The following KNTC1 variants were observed in gnomAD, a reference collection of about 807,000 sequenced individuals.
The protein encoded by KNTC1 is kinetochore-associated protein 1.
KNTC1 carries 253 observed loss-of-function variants against 314.4 expected under a neutral mutation model. That is an observed-to-expected ratio of 0.80 (90% CI 0.73 to 0.89). KNTC1 has a LOEUF of 0.89. Ranked by LOEUF, KNTC1 falls within the 40% of genes least tolerant of loss-of-function variation. KNTC1 has a pLI of 0.00. For synonymous variants in KNTC1, 901 were observed against 901.4 expected, an observed-to-expected ratio of 1.00 and a Z score of 0.01; for missense variants, 2,475 against 2,572.9, an observed-to-expected ratio of 0.96 and a Z score of 0.82.
intron 24 of KNTC1, 87 bp downstream of exon 24, chr12:122,571,213 ATATCTAC>A (rs1380959821): frequency 1.5e-5 from 14 of 915,428 alleles, no homozygotes; most frequent in Non-Finnish European, 2.1e-5. Context: ...ATCTGGAAAT[ATATCTAC>A]TTCTTAAATT....
rs576997834 is a variant in KNTC1, at chr12:122,585,595, G to A, written c.3535-41G>A. ...ACCAGAAGAAACAATGTGTTGTGCA[G>A]CGTACTGAGTTCTCTCTTTTTTGTA... On this transcript the variant is annotated intron_variant, in intron 36 of 63. Transcript: ENST00000333479. 3.9e-4 allele frequency: 622 copies of A among 1,607,074 alleles called. 8 individuals are homozygous for A. In the South Asian group the frequency reaches 6.5e-3, roughly 17 times the overall value.
At position 122,574,304 on chromosome 12, in the gene KNTC1, C is replaced by T; in HGVS notation, c.2306C>T (p.Ser769Leu). ...TAGGATTTACTGAATAGATGCAGCT[C>T]AAAGTCCACATCACTCTTTGAAACA... ...YIEDLLNRCS[S>L]KSTSLFETAW... The change falls in exon 27 of 64, where the codon TCA becomes TTA. Residue 769 changes from serine to leucine, a missense_variant. Physicochemically the swap from Ser to Leu is moderately radical, Grantham distance 145 (BLOSUM62 -2). Coordinates refer to ENST00000333479, the MANE Select transcript of KNTC1 (RefSeq NM_014708.6). 6.2e-7 allele frequency: 1 copy of T among 1,607,798 alleles called. No homozygotes were observed. The highest frequency in any genetic ancestry group is 1.3e-5 in the African/African-American group (1 of 74,740).
intron 37 of KNTC1, among the ~76,000 whole-genome samples, chr12:122,586,373 C>T (rs1024167484): frequency 6.6e-6 from 1 of 152,168 alleles, no homozygotes; most frequent in Non-Finnish European, 1.5e-5. Flanking sequence ...TGAGCCACCG[C>T]GCCCGGCCGA....
intron 44 of KNTC1, among the ~76,000 whole-genome samples, chr12:122,598,215 C>T (rs928908830): frequency 6.6e-6 from 1 of 152,016 alleles, no homozygotes; most frequent in African/African-American, 2.4e-5. Flanking sequence ...CAAGCAATTT[C>T]CCTATAACTC....
chr12:122,569,846 C>T (rs750090545), intron 22 of KNTC1, 22 bp downstream of exon 22: 24 of 1,592,514 alleles, frequency 1.5e-5, no homozygotes, highest in Non-Finnish European at 2.0e-5. Context: ...TCAGTATTTC[C>T]ACTCTTGATG....
intron 60 of KNTC1, 122 bp downstream of exon 60, chr12:122,620,730 T>C: frequency 1.0e-6 from 1 of 993,530 alleles, no homozygotes; most frequent in Non-Finnish European, 1.4e-6. Context: ...ATCAGATATG[T>C]GTGAAGCTTG....
At chr12:122,588,581 C>A in intron 39 of KNTC1, 131 bp from the exon 40 acceptor site, 1 of 661,314 alleles carries the variant, frequency 1.5e-6, no homozygotes, top group East Asian at 3.2e-5. Flanking sequence ...CCCTTTCTAG[C>A]ACTATAGGTT....
chr12:122,583,000 C>A lies in KNTC1; in HGVS notation c.3263+15C>A. 6.3e-7 allele frequency: 1 copy of A among 1,590,816 alleles called. No homozygotes were observed. Among genetic ancestry groups the A allele is most frequent in the South Asian group, 1.1e-5 (1 of 88,740 alleles). On this transcript the variant is annotated intron_variant, in intron 34 of 63. Transcript: ENST00000333479. ...AAAAAATGCAGGTGACATTCCAGATCCCTGAATTGCATAGCTTCTCTGAAA... is the reference window on the plus strand; with the variant it reads ...AAAAAATGCAGGTGACATTCCAGATACCTGAATTGCATAGCTTCTCTGAAA...
chr12:122,534,939 T>C (rs538006852), intron 3 of KNTC1, among the ~76,000 whole-genome samples, 155 bp downstream of exon 3: 1 of 152,348 alleles, frequency 6.6e-6, no homozygotes, highest in East Asian at 1.9e-4. Flanking sequence ...AGTGCCTTAT[T>C]TGCGTTGGGC....
At chr12:122,589,816 C>G (rs1164656361) in intron 40 of KNTC1, among the ~76,000 whole-genome samples, 1 of 139,800 alleles carries the variant, frequency 7.2e-6, no homozygotes, top group East Asian at 2.1e-4. Context: ...CGGAGTCTCG[C>G]ACTCTCATCC....
chr12:122,531,629 G>A (rs996475507), intron 2 of KNTC1, among the ~76,000 whole-genome samples: 1 of 152,112 alleles, frequency 6.6e-6, no homozygotes, highest in African/African-American at 2.4e-5. Context: ...TTTATTAGAG[G>A]CAAAAATTTC....
At chr12:122,528,449 C>T (rs1960970565) in intron 1 of KNTC1, among the ~76,000 whole-genome samples, 1 of 152,128 alleles carries the variant, frequency 6.6e-6, no homozygotes, top group African/African-American at 2.4e-5. Context: ...GTTCTGTGAA[C>T]ATTTAAAACT....
intron 36 of KNTC1, 84 bp from the exon 37 acceptor site, chr12:122,585,552 A>G: frequency 7.0e-7 from 1 of 1,437,652 alleles, no homozygotes; most frequent in South Asian, 1.3e-5. Context: ...CTTAAAATGA[A>G]ATTTCTATAA....
intron 34 of KNTC1, among the ~76,000 whole-genome samples, chr12:122,583,881 T>G (rs920388292): frequency 4.6e-5 from 7 of 151,766 alleles, no homozygotes; most frequent in African/African-American, 1.7e-4. Flanking sequence ...CCAGCAGTTT[T>G]GGAGGCCAAG....
rs142297924 is a variant in KNTC1 at position 122,598,875 on chromosome 12, A to G, written c.4563+937A>G. On this transcript the variant is annotated intron_variant, in intron 44 of 63. Transcript: ENST00000333479. ...CCCAGGCTGGAGTGCAGTGGTGTGA[A>G]CATGGCTCATGGCAGCCTTGACCTC... 8.0e-3 allele frequency among the ~76,000 whole-genome samples: 1,222 copies of G among 151,896 alleles called. 18 individuals carry two copies. The highest frequency in any genetic ancestry group is 0.028 in the African/African-American group (1,170 of 41,394).
intron 34 of KNTC1, 75 bp downstream of exon 34, chr12:122,583,060 C>T: frequency 1.4e-6 from 2 of 1,393,916 alleles, no homozygotes; most frequent in Admixed American, 2.4e-5. Flanking sequence ...ACCTGTAATC[C>T]CAGCAATTTA....
At chr12:122,565,252 T>TTAA (rs1555226997) in intron 20 of KNTC1, among the ~76,000 whole-genome samples, 7 of 131,790 alleles carry the variant, frequency 5.3e-5, no homozygotes, top group African/African-American at 1.9e-4. Flanking sequence ...TTTTTTTTTT[T>TTAA]AAAAAAAAAA....
At position 122,590,619 on chromosome 12, in the gene KNTC1, C is replaced by G; in HGVS notation, c.4012C>G (p.Arg1338Gly). The G allele has an allele frequency of 6.2e-7, 1 of 1,611,310 alleles. No homozygotes were observed. The highest frequency in any genetic ancestry group is 8.5e-7 in the Non-Finnish European group (1 of 1,178,502). Reference protein sequence around the residue: ...TTLLHKVFNCRLVDLDLALGY... With the variant: ...TTLLHKVFNCGLVDLDLALGY... ...TTTCTTCCTGTAGGTATTTAATTGT[C>G]GCTTGGTAGATCTTGACCTGGCGTT... Residue 1338 changes from arginine to glycine, a missense_variant, in exon 41 of 64, where the codon CGC becomes GGC. Transcript: ENST00000333479.
intron 43 of KNTC1, among the ~76,000 whole-genome samples, chr12:122,596,114 G>C (rs977931563): frequency 2.4e-5 from 3 of 124,494 alleles, no homozygotes; most frequent in African/African-American, 3.2e-5. Flanking sequence ...ACGGAGTCTC[G>C]CTCTGTCACC....
Sources: gnomAD v4.1 joint callset for allele counts (sites outside exome capture counted in the v4.1 genomes callset) on GRCh38, gnomAD v4.1.1 for gene constraint, MANE v1.5 for transcripts, NCBI Gene and HGNC (gene_info 2026-07-23, HGNC 2026-07-21) for gene names.